Variants in UNC5D observed in about 807,000 individuals in gnomAD.
The protein encoded by UNC5D is unc-5 netrin receptor D.
UNC5D carries 39 observed loss-of-function variants against 105.4 expected under a neutral mutation model. That is an observed-to-expected ratio of 0.37 (90% CI 0.29 to 0.48). The LOEUF (loss-of-function observed/expected upper bound fraction) is 0.48. UNC5D is among the 20% of genes least tolerant of loss of function. The pLI, the probability that UNC5D is intolerant of heterozygous loss-of-function variation, is 0.98. For synonymous variants in UNC5D, 452 were observed against 450.4 expected (o/e 1.00, Z -0.04); for missense variants, 991 against 1,202.4 (o/e 0.82, Z 2.60).
chr8:35,323,902 C>T (rs919721766), intron 1 of UNC5D, among the ~76,000 whole-genome samples: 5 of 151,970 alleles, frequency 3.3e-5, no homozygotes, highest in Admixed American at 6.6e-5. Context: ...CTCTTAAGAG[C>T]GTGTCCTGTG....
At chr8:35,248,656 A>G (rs1273639236) in intron 1 of UNC5D, among the ~76,000 whole-genome samples, 1 of 99,952 alleles carries the variant, frequency 1.0e-5, no homozygotes, top group African/African-American at 4.3e-5. Context: ...ATATATTTAT[A>G]AATATAAATA....
At chr8:35,257,781 T>G (rs1227693775) in intron 1 of UNC5D, among the ~76,000 whole-genome samples, 1 of 152,268 alleles carries the variant, frequency 6.6e-6, no homozygotes, top group Non-Finnish European at 1.5e-5. Context: ...CCCATGCACC[T>G]TGCTAGCCAG....
chr8:35,606,241 C>T (rs917189267), intron 4 of UNC5D, among the ~76,000 whole-genome samples: 2 of 152,112 alleles, frequency 1.3e-5, no homozygotes, highest in African/African-American at 4.8e-5. Flanking sequence ...CCAGCTCATC[C>T]TCTCAAAGTG....
chr8:35,737,195 T>TTGCTG (rs2131594339), intron 11 of UNC5D, among the ~76,000 whole-genome samples: 1 of 151,894 alleles, frequency 6.6e-6, no homozygotes, highest in African/African-American at 2.4e-5. Context: ...AATCCCCACA[T>TTGCTG]TGCTGTCAGC....
intron 4 of UNC5D, among the ~76,000 whole-genome samples, chr8:35,649,739 C>A (rs570758871): frequency 6.6e-6 from 1 of 152,220 alleles, no homozygotes; most frequent in South Asian, 2.1e-4. Flanking sequence ...TTAGTCTAGT[C>A]ATGGAAAAAC....
intron 14 of UNC5D, among the ~76,000 whole-genome samples, chr8:35,766,472 G>T (rs1157098915): frequency 6.6e-6 from 1 of 152,150 alleles, no homozygotes; most frequent in Non-Finnish European, 1.5e-5. Context: ...TGGCCAATCA[G>T]TTCCTTAGCA....
intron 1 of UNC5D, among the ~76,000 whole-genome samples, chr8:35,287,626 T>A (rs1174648683): frequency 6.6e-6 from 1 of 150,698 alleles, no homozygotes; most frequent in Admixed American, 6.6e-5. Context: ...AAAACCTGCC[T>A]CTACCAAAAA....
chr8:35,479,129 C>T (rs182618999), intron 1 of UNC5D, among the ~76,000 whole-genome samples: 1 of 152,236 alleles, frequency 6.6e-6, no homozygotes, highest in African/African-American at 2.4e-5. Flanking sequence ...AGAGCTTTAT[C>T]CCTGCCATTT....
At chr8:35,694,449 A>G (rs1294061330) in intron 7 of UNC5D, among the ~76,000 whole-genome samples, 1 of 152,194 alleles carries the variant, frequency 6.6e-6, no homozygotes, top group Non-Finnish European at 1.5e-5. Flanking sequence ...CCTTTAAATG[A>G]AGGATAGGTT....
At chr8:35,316,204 A>G (rs16883802) in intron 1 of UNC5D, among the ~76,000 whole-genome samples, 3,663 of 152,290 alleles carry the variant, frequency 0.024, 155 homozygotes, top group African/African-American at 0.084. Flanking sequence ...TATTAATGTG[A>G]CAGTATTGAC....
At chr8:35,556,043 C>A (rs1816526866) in intron 2 of UNC5D, among the ~76,000 whole-genome samples, 1 of 152,020 alleles carries the variant, frequency 6.6e-6, no homozygotes, top group Non-Finnish European at 1.5e-5. Context: ...TGGAATTGAG[C>A]TTCCTTTCTC....
intron 1 of UNC5D, among the ~76,000 whole-genome samples, chr8:35,248,681 T>G (rs1164189834): frequency 2.1e-5 from 2 of 97,306 alleles, no homozygotes; most frequent in Non-Finnish European, 3.5e-5. Context: ...TTATATATAA[T>G]ATATATAAAA....
chr8:35,442,432 A>G (rs1186249876), intron 1 of UNC5D, among the ~76,000 whole-genome samples: 1 of 151,900 alleles, frequency 6.6e-6, no homozygotes, highest in Non-Finnish European at 1.5e-5. Context: ...CTCTAGAGGC[A>G]TGAGGTAAGA....
chr8:35,615,537 TG>T (rs1289675641), intron 4 of UNC5D, among the ~76,000 whole-genome samples: 1 of 152,202 alleles, frequency 6.6e-6, no homozygotes. Flanking sequence ...AGTCTTGCTC[TG>T]TCACTCAGGC....
chr8:35,390,234 C>T (rs1040622735), intron 1 of UNC5D, among the ~76,000 whole-genome samples: 1 of 152,078 alleles, frequency 6.6e-6, no homozygotes, highest in Non-Finnish European at 1.5e-5. Flanking sequence ...GAAAACCAGC[C>T]CCATAATCCA....
intron 4 of UNC5D, among the ~76,000 whole-genome samples, chr8:35,653,494 C>G (rs1823549238): frequency 6.6e-6 from 1 of 152,170 alleles, no homozygotes. Flanking sequence ...AATGCTGATG[C>G]TAATGCTGTT....
chr8:35,641,366 C>CAAAAAAAAAAAAAAAAA (rs377021599), intron 4 of UNC5D, among the ~76,000 whole-genome samples: 99 of 44,302 alleles, frequency 2.2e-3, no homozygotes, highest in Middle Eastern at 0.021. Flanking sequence ...AAAAATAAAG[C>CAAAAAAAAAAAAAAAAA]AAAAAAAAAA....
intron 1 of UNC5D, among the ~76,000 whole-genome samples, chr8:35,529,525 G>A (rs1269201715): frequency 1.3e-4 from 17 of 134,988 alleles, no homozygotes; most frequent in South Asian, 2.6e-4. Context: ...TTGACTTGGC[G>A]ATGCGGGCTC....
chr8:35,394,575 A>G (rs1803985182), intron 1 of UNC5D, among the ~76,000 whole-genome samples: 3 of 152,030 alleles, frequency 2.0e-5, no homozygotes, highest in South Asian at 2.1e-4. Context: ...TATGATGAGC[A>G]TTTATTTTCA....
Sources: gnomAD v4.1 joint callset for allele counts (sites outside exome capture counted in the v4.1 genomes callset) on GRCh38, gnomAD v4.1.1 for gene constraint, MANE v1.5 for transcripts, NCBI Gene and HGNC (gene_info 2026-07-23, HGNC 2026-07-21) for gene names.